VPS13B: variants seen among roughly 807,000 people sequenced by gnomAD.
The protein encoded by VPS13B is intermembrane lipid transfer protein VPS13B.
In VPS13B, 285 loss-of-function variants were observed where a neutral mutation model predicts 426.4. That is an observed-to-expected ratio of 0.67 (90% CI 0.61 to 0.74). The LOEUF (loss-of-function observed/expected upper bound fraction) is 0.74. Among genes scored for constraint, VPS13B ranks in the 30% least tolerant of loss-of-function variants. The pLI is 0.00. For synonymous variants in VPS13B, 1,676 were observed against 1,676.4 expected (o/e 1.00, Z 0.01); for missense variants, 4,537 against 4,782.6 (o/e 0.95, Z 1.51).
chr8:99,256,907 A>C (rs1008322816), intron 17 of VPS13B, among the ~76,000 whole-genome samples: 1 of 152,108 alleles, frequency 6.6e-6, no homozygotes, highest in African/African-American at 2.4e-5. Context: ...TAATTTTTTT[A>C]ATGACTGCTT....
chr8:99,418,692 G>A (rs1303776740), intron 21 of VPS13B, among the ~76,000 whole-genome samples: 1 of 152,028 alleles, frequency 6.6e-6, no homozygotes, highest in African/African-American at 2.4e-5. Flanking sequence ...GGGATTGCAG[G>A]TGTGTGCCAC....
Position 99,059,298 on chromosome 8 carries a change from C to T in VPS13B, c.291+20732C>T, listed in dbSNP as rs570888798. Among the ~76,000 whole-genome samples, 14 of 152,188 alleles carry T rather than the reference C, an allele frequency of 9.2e-5. 1 individual carries two copies. In the East Asian group the frequency reaches 1.4e-3, roughly 15 times the overall value. On this transcript the variant is annotated intron_variant, in intron 3 of 61. Coordinates refer to ENST00000357162, the MANE Select transcript of VPS13B (RefSeq NM_152564.5). Reference sequence around the variant, plus strand: ...ACTACAGGCGGAAGCCACCAATGCCCGGCTAATTTTTGTATTTTTTGTAGT... The same window carrying T: ...ACTACAGGCGGAAGCCACCAATGCCTGGCTAATTTTTGTATTTTTTGTAGT...
intron 43 of VPS13B, among the ~76,000 whole-genome samples, chr8:99,790,966 C>T (rs1029669498): frequency 8.5e-5 from 13 of 152,076 alleles, no homozygotes; most frequent in African/African-American, 2.7e-4. Flanking sequence ...GTTTTAATAC[C>T]GTCTTGAGGC....
intron 3 of VPS13B, among the ~76,000 whole-genome samples, chr8:99,053,331 C>G (rs1843664222): frequency 6.6e-6 from 1 of 152,160 alleles, no homozygotes; most frequent in East Asian, 1.9e-4. Flanking sequence ...TGATGTTCCC[C>G]TTCCTGTGTC....
chr8:99,304,526 A>G (rs1820539657), intron 19 of VPS13B, among the ~76,000 whole-genome samples: 1 of 151,960 alleles, frequency 6.6e-6, no homozygotes. Context: ...AATTTGTGCT[A>G]TTCTGTAACA....
chr8:99,731,282 T>C (rs1328631390), intron 39 of VPS13B, among the ~76,000 whole-genome samples: 1 of 152,186 alleles, frequency 6.6e-6, no homozygotes, highest in Non-Finnish European at 1.5e-5. Flanking sequence ...ATATGTGATA[T>C]CCCTTCTATC....
intron 19 of VPS13B, among the ~76,000 whole-genome samples, chr8:99,291,394 A>G (rs539099676): frequency 6.6e-6 from 1 of 152,286 alleles, no homozygotes; most frequent in African/African-American, 2.4e-5. Flanking sequence ...GAACATAGGC[A>G]GTTTGAATAA....
chr8:99,022,258 T>TATA (rs1179080803), intron 2 of VPS13B, among the ~76,000 whole-genome samples: 1 of 151,782 alleles, frequency 6.6e-6, no homozygotes, highest in Non-Finnish European at 1.5e-5. Context: ...TATATAATGC[T>TATA]ATAATTTTTT....
chr8:99,487,241 C>A (rs973384736), intron 25 of VPS13B, among the ~76,000 whole-genome samples: 1 of 151,934 alleles, frequency 6.6e-6, no homozygotes, highest in South Asian at 2.1e-4. Context: ...TAGCACTTTT[C>A]GGTATTAAAT....
intron 39 of VPS13B, among the ~76,000 whole-genome samples, chr8:99,762,509 A>G (rs893159965): frequency 5.3e-4 from 81 of 152,226 alleles, no homozygotes; most frequent in African/African-American, 1.9e-3. Flanking sequence ...CCACACTTTT[A>G]ACAGGTATGT....
intron 17 of VPS13B, among the ~76,000 whole-genome samples, chr8:99,212,131 G>T (rs1815125977): frequency 6.6e-6 from 1 of 152,100 alleles, no homozygotes; most frequent in South Asian, 2.1e-4. Flanking sequence ...GACCTCAATT[G>T]ATCCGCCCGC....
intron 19 of VPS13B, among the ~76,000 whole-genome samples, chr8:99,381,684 G>A (rs895704703): frequency 6.6e-6 from 1 of 151,578 alleles, no homozygotes. Context: ...TCATATGCTT[G>A]TTGGCCATAT....
chr8:99,511,317 T>C lies in VPS13B; in HGVS notation c.4438T>C (p.Phe1480Leu), dbSNP rs759832396. The change falls in exon 29 of 62, where the codon TTT (phenylalanine) becomes CTT (leucine). Residue 1480 changes from phenylalanine to leucine, a missense_variant. Phe to Leu is a conservative substitution (Grantham distance 22, BLOSUM62 0). This residue lies in a region of VPS13B where 4,311 missense variants were observed against 4,474.3 expected (regional missense o/e 0.96). Transcript: ENST00000357162. ...ACAAGCTTTTGATATTGTTCTTTAT[T>C]TTCCTTTACTTAATGCCATTGCAAG... is the stretch of plus-strand genomic sequence containing the variant. ...SAQAFDIVLYFPLLNAIASIF... is the reference protein window; with the variant it reads ...SAQAFDIVLYLPLLNAIASIF... 1 of 1,613,800 alleles carries C rather than the reference T, an allele frequency of 6.2e-7. No individual in the cohort carries two copies. Among genetic ancestry groups the C allele is most frequent in the Non-Finnish European group, 8.5e-7 (1 of 1,179,952 alleles).
chr8:99,695,697 A>AT (rs751621173), intron 35 of VPS13B, among the ~76,000 whole-genome samples: 26 of 145,408 alleles, frequency 1.8e-4, no homozygotes, highest in African/African-American at 6.3e-4. Flanking sequence ...TTAAAGTATA[A>AT]TAAAAAAAAA....
intron 35 of VPS13B, among the ~76,000 whole-genome samples, chr8:99,670,846 G>T (rs1247462515): frequency 6.6e-6 from 1 of 152,034 alleles, no homozygotes; most frequent in Non-Finnish European, 1.5e-5. Context: ...CTATTCTATT[G>T]TAAATATCTA....
chr8:99,513,356 A>G (rs1821895876), intron 29 of VPS13B, among the ~76,000 whole-genome samples: 1 of 152,126 alleles, frequency 6.6e-6, no homozygotes, highest in African/African-American at 2.4e-5. Flanking sequence ...AGGAAGGCCA[A>G]AATTTCATTG....
intron 21 of VPS13B, among the ~76,000 whole-genome samples, chr8:99,425,611 A>G (rs978240487): frequency 2.0e-5 from 3 of 152,346 alleles, no homozygotes; most frequent in Admixed American, 2.0e-4. Flanking sequence ...CCAATATCAT[A>G]CTGAATGGGC....
chr8:99,555,807 A>T (rs1461190040), intron 30 of VPS13B, among the ~76,000 whole-genome samples: 1 of 152,072 alleles, frequency 6.6e-6, no homozygotes, highest in Non-Finnish European at 1.5e-5. Flanking sequence ...GTATGTTCCA[A>T]CTCTATATAG....
intron 19 of VPS13B, among the ~76,000 whole-genome samples, chr8:99,311,466 G>T (rs1820969352): frequency 6.6e-6 from 1 of 152,242 alleles, no homozygotes; most frequent in Non-Finnish European, 1.5e-5. Context: ...CAGTTTCCAT[G>T]TAGTTGAGTG....
Sources: gnomAD v4.1 joint callset for allele counts (sites outside exome capture counted in the v4.1 genomes callset) on GRCh38, gnomAD v4.1.1 for gene constraint, gnomAD v4.1.1 regional missense constraint, MANE v1.5 for transcripts, NCBI Gene and HGNC (gene_info 2026-07-23, HGNC 2026-07-21) for gene names.